Variants in MTCL1 observed in about 807,000 individuals in gnomAD.
MTCL1 encodes microtubule cross-linking factor 1.
In MTCL1, 79 loss-of-function variants were observed where a neutral mutation model predicts 141.4. The ratio of observed to expected loss-of-function variants is 0.56; its 90% CI spans 0.47 to 0.67. The LOEUF (loss-of-function observed/expected upper bound fraction) is 0.67, where lower values mean the gene tolerates loss of function less well. Ranked by LOEUF, MTCL1 falls within the 30% of genes least tolerant of loss-of-function variation. The pLI is 0.00. For missense variants in MTCL1, 2,177 were observed against 2,113.9 expected (o/e 1.03, Z -0.59); for synonymous variants, 914 against 875.8 (o/e 1.04, Z -0.77).
chr18:8,755,423 C>A (rs1417741882), intron 4 of MTCL1, among the ~76,000 whole-genome samples: 1 of 152,166 alleles, frequency 6.6e-6, no homozygotes, highest in Non-Finnish European at 1.5e-5. Flanking sequence ...TTCTTTGGCC[C>A]CAGTCTTGCA....
chr18:8,821,593 T>G, intron 14 of MTCL1, 95 bp downstream of exon 13: 1 of 605,790 alleles, frequency 1.7e-6, no homozygotes, highest in Non-Finnish European at 2.9e-6. Flanking sequence ...TACCACTCTC[T>G]TCAAAATGAC....
At chr18:8,825,331 T>C in exon 15 of MTCL1, 1 of 1,539,726 alleles carries the variant, frequency 6.5e-7, no homozygotes, top group Non-Finnish European at 8.7e-7. Context: ...CTGCACAGCC[T>C]GGAGATGTCC....
intron 4 of MTCL1, among the ~76,000 whole-genome samples, chr18:8,728,495 T>A (rs1287543181): frequency 1.3e-5 from 2 of 152,160 alleles, no homozygotes; most frequent in African/African-American, 4.8e-5. Flanking sequence ...TACTTTTCTT[T>A]TTGTGTTTGG....
intron 7 of MTCL1, chr18:8,786,427 T>G: frequency 1.9e-6 from 1 of 515,062 alleles, no homozygotes; most frequent in Non-Finnish European, 3.8e-6. Context: ...AAAGAAGGGA[T>G]GAAAACCCAG....
intron 5 of MTCL1, 69 bp downstream of exon 4, chr18:8,777,961 CAGTA>C (rs1241335305): frequency 4.1e-6 from 6 of 1,449,972 alleles, no homozygotes; most frequent in Non-Finnish European, 4.8e-6. Flanking sequence ...GAATGTTTTT[CAGTA>C]AGTGTTAGCT....
At chr18:8,708,488 C>A (rs980717865) in intron 1 of MTCL1, among the ~76,000 whole-genome samples, 6 of 152,078 alleles carry the variant, frequency 3.9e-5, no homozygotes, top group African/African-American at 1.4e-4. Context: ...ATTTCACAGA[C>A]GGAGATGCTG....
At position 8,830,071 on chromosome 18, in the gene MTCL1, A is replaced by C; in HGVS notation, c.*18+1107A>C. 2 of 985,422 alleles carry C rather than the reference A, an allele frequency of 2.0e-6. No homozygotes were observed. The highest frequency in any genetic ancestry group is 2.4e-6 in the Non-Finnish European group (2 of 830,006). 61.0% of individuals were successfully genotyped at this position (985,422 alleles called of 1,614,324 possible). On this transcript the variant is annotated intron_variant, in intron 16 of 16. Coordinates refer to ENST00000359865, the Ensembl canonical transcript of MTCL1. The surrounding 1 kb of genome is among the most constrained non-coding windows in gnomAD (Gnocchi z 6.4). Reference sequence around the variant, plus strand: ...AGAACAGATACACAATACACAACACACACACTACTTCTATAACAAGGGGAG... The same window carrying C: ...AGAACAGATACACAATACACAACACCCACACTACTTCTATAACAAGGGGAG...
chr18:8,728,850 G>A (rs1476224356), intron 4 of MTCL1, among the ~76,000 whole-genome samples: 3 of 143,332 alleles, frequency 2.1e-5, no homozygotes, highest in Non-Finnish European at 4.5e-5. Flanking sequence ...TTCTCCTGCC[G>A]CAGCCTCCCG....
At chr18:8,721,090 T>TA (rs2096168535) in intron 4 of MTCL1, among the ~76,000 whole-genome samples, 1 of 152,216 alleles carries the variant, frequency 6.6e-6, no homozygotes, top group Admixed American at 6.5e-5. Context: ...TGAATATATA[T>TA]TTTTTTCATT....
At chr18:8,792,849 A>T in intron 7 of MTCL1, 149 bp from the exon 7 acceptor site, 2 of 1,090,354 alleles carry the variant, frequency 1.8e-6, no homozygotes, top group Non-Finnish European at 2.6e-6. Flanking sequence ...GCCCCAGCGG[A>T]GCTGCCACAG....
intron 4 of MTCL1, among the ~76,000 whole-genome samples, chr18:8,729,474 A>T (rs2148857787): frequency 6.6e-6 from 1 of 151,566 alleles, no homozygotes; most frequent in South Asian, 2.1e-4. Flanking sequence ...TATACTCGTG[A>T]TGTACTGCCA....
intron 7 of MTCL1, among the ~76,000 whole-genome samples, chr18:8,792,475 C>T (rs895369948): frequency 5.3e-5 from 8 of 152,132 alleles, no homozygotes; most frequent in East Asian, 1.9e-4. Context: ...CCCTGAGCAT[C>T]GGTGTCAGAC....
intron 4 of MTCL1, 107 bp from the exon 4 acceptor site, chr18:8,777,726 C>T (rs373821001): frequency 9.0e-6 from 8 of 885,948 alleles, no homozygotes; most frequent in East Asian, 7.6e-5. Flanking sequence ...TGGTGGGAAA[C>T]AGCCTCCGTT....
exon 1 of MTCL1, chr18:8,706,090 G>C (rs1380612780): frequency 8.3e-7 from 1 of 1,205,246 alleles, no homozygotes; most frequent in South Asian, 4.1e-5. Flanking sequence ...GCTGTCCCGG[G>C]CTGGGAAGCC....
At chr18:8,730,840 C>A (rs2096246429) in intron 4 of MTCL1, among the ~76,000 whole-genome samples, 1 of 152,222 alleles carries the variant, frequency 6.6e-6, no homozygotes, top group Non-Finnish European at 1.5e-5. Flanking sequence ...GACAGCCTTT[C>A]TTGGAAGATG....
At chr18:8,717,861 A>C (rs936126187) in intron 1 of MTCL1, 78 of 982,620 alleles carry the variant, frequency 7.9e-5, no homozygotes, top group South Asian at 9.3e-5. Context: ...AAACAGACCC[A>C]ATGTGTATTT....
intron 2 of MTCL1, 31 bp from the exon 2 acceptor site, chr18:8,718,393 C>T (rs1192486586): frequency 1.2e-6 from 2 of 1,601,370 alleles, no homozygotes; most frequent in Non-Finnish European, 1.7e-6. Flanking sequence ...ATGTACTTGG[C>T]TCATAAATCT....
chr18:8,772,731 AT>A (rs780701427), intron 4 of MTCL1, among the ~76,000 whole-genome samples: 2 of 151,920 alleles, frequency 1.3e-5, no homozygotes, highest in Non-Finnish European at 2.9e-5. Flanking sequence ...CACTAAATAT[AT>A]GCTGTCTGTA....
chr18:8,817,309 A>G (rs1023785637), intron 12 of MTCL1, among the ~76,000 whole-genome samples: 3 of 143,086 alleles, frequency 2.1e-5, no homozygotes, highest in Non-Finnish European at 4.5e-5. Flanking sequence ...ACAACTGCAA[A>G]GAACTGTGTC....
Sources: allele counts gnomAD v4.1 joint callset (sites outside exome capture counted in the v4.1 genomes callset), GRCh38; gene constraint gnomAD v4.1.1; non-coding constraint Gnocchi (gnomAD v3.1); transcripts MANE v1.5; gene names NCBI Gene and HGNC (gene_info 2026-07-23, HGNC 2026-07-21).